Variants in PALLD observed in about 807,000 individuals in gnomAD.
PALLD encodes palladin, cytoskeletal associated protein.
In PALLD, 61 loss-of-function variants were observed where a neutral mutation model predicts 123.5. That is an observed-to-expected ratio of 0.49 (90% CI 0.40 to 0.61). The LOEUF is 0.61. PALLD is among the 20% of genes least tolerant of loss of function. The pLI, the probability that PALLD is intolerant of heterozygous loss-of-function variation, is 0.00. For synonymous variants in PALLD, 465 were observed against 496.4 expected, an observed-to-expected ratio of 0.94 and a Z score of 0.84; for missense variants, 1,273 against 1,377.0, an observed-to-expected ratio of 0.92 and a Z score of 1.20.
chr4:168,894,870 A>AT (rs1374562833), intron 12 of PALLD, 193 bp downstream of exon 12: 99 of 807,088 alleles, frequency 1.2e-4, no homozygotes, highest in Middle Eastern at 7.2e-4. Context: ...GACTGACAGA[A>AT]TTCTTTCCAT....
chr4:168,807,727 T>C (rs10780072), intron 10 of PALLD, among the ~76,000 whole-genome samples: 140,201 of 152,096 alleles, frequency 0.92, 64,717 homozygotes, highest in African/African-American at 0.97. Context: ...TCCTTTGAGA[T>C]AGAGTTTCAC....
At position 168,761,645 on chromosome 4, in the gene PALLD, G is replaced by GTTTTTTTTTTTTTTTTTTTTTTTT. The variant is rs70961555; in HGVS notation, c.1964+49730_1964+49753dup. 2.7e-3 allele frequency among the ~76,000 whole-genome samples: 233 copies of GTTTTTTTTTTTTTTTTTTTTTTTT among 87,896 alleles called. 41 individuals carry two copies. Among genetic ancestry groups the GTTTTTTTTTTTTTTTTTTTTTTTT allele is most frequent in the Middle Eastern group, 0.012 (2 of 164 alleles). The allele number at this position is 87,896 out of a possible 152,430, so 57.7% of individuals were successfully genotyped here. A position where few individuals can be genotyped will look rare whatever the true frequency, so the allele number is the denominator to read the frequency against. ...CCAGCTATTTTTGTTGTTGTTGTTTGTTTTTTTTTTTTTTTTTTTTTTTTT... is the reference window on the plus strand; with the variant it reads ...CCAGCTATTTTTGTTGTTGTTGTTTGTTTTTTTTTTTTTTTTTTTTTTTTTTTTTTTTTTTTTTTTTTTTTTTTT... On this transcript the variant is annotated intron_variant, in intron 10 of 21. Coordinates refer to ENST00000505667, the MANE Select transcript of PALLD (RefSeq NM_001166108.2).
intron 10 of PALLD, among the ~76,000 whole-genome samples, chr4:168,823,009 C>G (rs1040435628): frequency 3.3e-5 from 5 of 151,958 alleles, no homozygotes; most frequent in Admixed American, 2.6e-4. Context: ...GGGCCTTAGG[C>G]ACTTTTGCCT....
chr4:168,834,759 T>A (rs1048200041), intron 10 of PALLD, among the ~76,000 whole-genome samples: 1 of 152,142 alleles, frequency 6.6e-6, no homozygotes, highest in Non-Finnish European at 1.5e-5. Context: ...AAATTAAATG[T>A]CACCACCTTG....
chr4:168,509,807 T>A (rs1179698687), intron 1 of PALLD, among the ~76,000 whole-genome samples: 1 of 152,226 alleles, frequency 6.6e-6, no homozygotes, highest in African/African-American at 2.4e-5. Context: ...TGGGGTATGT[T>A]AACATTGAGT....
intron 2 of PALLD, among the ~76,000 whole-genome samples, chr4:168,642,403 T>C (rs1369433439): frequency 2.0e-5 from 3 of 152,120 alleles, no homozygotes; most frequent in African/African-American, 7.2e-5. Flanking sequence ...TATGTATTTA[T>C]TTTATTTTAT....
chr4:168,749,092 C>G (rs998337452), intron 10 of PALLD, among the ~76,000 whole-genome samples: 10 of 152,092 alleles, frequency 6.6e-5, no homozygotes, highest in Non-Finnish European at 1.3e-4. Context: ...TTAGTGCTGT[C>G]CTGGCAATAG....
chr4:168,795,319 G>C (rs753906856), intron 10 of PALLD, among the ~76,000 whole-genome samples: 5 of 152,134 alleles, frequency 3.3e-5, no homozygotes, highest in Non-Finnish European at 5.9e-5. Context: ...AAAGGTTCTT[G>C]AGTGGCAATT....
chr4:168,767,953 A>C (rs769789383), intron 10 of PALLD, among the ~76,000 whole-genome samples: 22 of 152,076 alleles, frequency 1.4e-4, no homozygotes, highest in Non-Finnish European at 2.9e-4. Flanking sequence ...ACCATTGCCC[A>C]GCTGTTATCC....
intron 1 of PALLD, among the ~76,000 whole-genome samples, chr4:168,497,600 T>C (rs980802475): frequency 6.6e-6 from 1 of 152,228 alleles, no homozygotes; most frequent in Non-Finnish European, 1.5e-5. Context: ...TAAGTGATGA[T>C]GGCTTAAAGT....
Position 168,654,263 on chromosome 4 carries a change from GT to G in PALLD, c.909-13919del, listed in dbSNP as rs972269713. Among the ~76,000 whole-genome samples, 7 of 151,682 alleles carry G rather than the reference GT, an allele frequency of 4.6e-5. No individual in the cohort carries two copies. In the South Asian group the frequency reaches 6.3e-4, roughly 14 times the overall value. On this transcript the variant is annotated intron_variant, in intron 2 of 21. Transcript: ENST00000505667. ...CACACCATGTAATAGCTTTAGAGTT[GT>G]TTTTTTTGGGGAGGAGGGAAGGGGT...
intron 18 of PALLD, 70 bp from the exon 19 acceptor site, chr4:168,924,185 A>G: frequency 7.2e-7 from 1 of 1,387,872 alleles, no homozygotes; most frequent in South Asian, 1.2e-5. Flanking sequence ...ATATTCCAAA[A>G]GCCTTCTGAA....
Position 168,645,635 on chromosome 4 carries a change from CA to C in PALLD, c.909-22554del, listed in dbSNP as rs375058726. On this transcript the variant is annotated intron_variant, in intron 2 of 21. Coordinates refer to ENST00000505667, the MANE Select transcript of PALLD (RefSeq NM_001166108.2). Reference sequence around the variant, plus strand: ...ATGGGGTTTCTGAGAGGGCTGAATTCATTATATACTACATTCACTTAGAAAA... The same window carrying C: ...ATGGGGTTTCTGAGAGGGCTGAATTCTTATATACTACATTCACTTAGAAAA... 2.1e-4 allele frequency among the ~76,000 whole-genome samples: 32 copies of C among 152,282 alleles called. No homozygotes were observed. The East Asian group carries it at 6.0e-3, about 28-fold the overall frequency.
chr4:168,775,190 C>A (rs775372332), intron 10 of PALLD, among the ~76,000 whole-genome samples: 1 of 152,178 alleles, frequency 6.6e-6, no homozygotes, highest in African/African-American at 2.4e-5. Flanking sequence ...TTCTCCACAT[C>A]CTAGTCTGCA....
intron 10 of PALLD, among the ~76,000 whole-genome samples, chr4:168,855,812 T>A (rs1040958161): frequency 1.3e-5 from 2 of 152,228 alleles, no homozygotes; most frequent in Non-Finnish European, 2.9e-5. Context: ...TACTACCACA[T>A]TTCATCTTCA....
At chr4:168,691,560 T>C (rs1782634844) in intron 8 of PALLD, among the ~76,000 whole-genome samples, 1 of 152,178 alleles carries the variant, frequency 6.6e-6, no homozygotes, top group African/African-American at 2.4e-5. Context: ...CTTTTTAAAA[T>C]ACAGTCTTTT....
chr4:168,502,093 C>T (rs1442253024), intron 1 of PALLD, among the ~76,000 whole-genome samples: 3 of 152,194 alleles, frequency 2.0e-5, no homozygotes, highest in Non-Finnish European at 4.4e-5. Flanking sequence ...TGTCCCTGGC[C>T]TATGAAAGAG....
rs138240262 is a variant in PALLD, at chr4:168,503,030, G to C, written c.-83+5836G>C. Among the ~76,000 whole-genome samples the C allele has an allele frequency of 7.1e-4, 108 of 152,318 alleles. 1 individual carries two copies. Among genetic ancestry groups the C allele is most frequent in the Middle Eastern group, 3.4e-3 (1 of 294 alleles). On this transcript the variant is annotated intron_variant, in intron 1 of 21. Transcript: ENST00000505667. ...GCCTCGTGCCTTTGTTCACATGTGT[G>C]TCAAATCCTATCCAGGGCTCAAACC...
intron 2 of PALLD, among the ~76,000 whole-genome samples, chr4:168,597,623 T>TAA (rs1194932031): frequency 6.6e-6 from 1 of 152,102 alleles, no homozygotes; most frequent in African/African-American, 2.4e-5. Context: ...AATAGAAATA[T>TAA]AAGTCATTTT....
Sources: allele counts gnomAD v4.1 joint callset (sites outside exome capture counted in the v4.1 genomes callset), GRCh38; gene constraint gnomAD v4.1.1; transcripts MANE v1.5; gene names NCBI Gene and HGNC (gene_info 2026-07-23, HGNC 2026-07-21).